PPM1K: variants seen among roughly 807,000 people sequenced by gnomAD.
The protein encoded by PPM1K is protein phosphatase, Mg2+/Mn2+ dependent 1K.
A neutral mutation model predicts 32.6 loss-of-function variants in PPM1K; 19 were observed. The ratio of observed to expected loss-of-function variants is 0.58; its 90% CI spans 0.41 to 0.86. The LOEUF is 0.86. PPM1K is among the 40% of genes least tolerant of loss of function. The probability of loss-of-function intolerance (pLI) is 0.00; values close to 1 mark genes in which losing one functional copy is unlikely to be tolerated. For missense variants in PPM1K, 362 were observed against 461.2 expected (o/e 0.78, Z 1.97); for synonymous variants, 159 against 165.3 (o/e 0.96, Z 0.29).
At position 88,258,646 on chromosome 4, in the gene PPM1K, A is replaced by G. The variant is rs1262377886; in HGVS notation, c.*3949T>C. 1 of 151,722 alleles carries G rather than the reference A, an allele frequency of 6.6e-6. No individual in the cohort carries two copies. The highest frequency in any genetic ancestry group is 2.4e-5 in the African/African-American group (1 of 41,294). The allele number at this position is 151,722 out of a possible 1,614,324, so 9.4% of individuals were successfully genotyped here. ...TGTCTCAAGAAAAAAAAAAAATTCCATCTTTTAGATTATGTGCTAATAATT... is the reference window on the plus strand; with the variant it reads ...TGTCTCAAGAAAAAAAAAAAATTCCGTCTTTTAGATTATGTGCTAATAATT... On this transcript the variant is annotated 3_prime_UTR_variant, in exon 7 of 7. Coordinates refer to ENST00000608933, the MANE Select transcript of PPM1K (RefSeq NM_152542.5).
At chr4:88,266,974 G>T (rs1560485606) in intron 5 of PPM1K, among the ~76,000 whole-genome samples, 1 of 150,394 alleles carries the variant, frequency 6.6e-6, no homozygotes, top group Non-Finnish European at 1.5e-5. Flanking sequence ...AGGTGATGCT[G>T]ATTGGATGCA....
At chr4:88,265,815 T>C (rs1188936869) in intron 5 of PPM1K, among the ~76,000 whole-genome samples, 1 of 152,236 alleles carries the variant, frequency 6.6e-6, no homozygotes, top group Admixed American at 6.5e-5. Context: ...CTTCAAGATA[T>C]CTTGATTTAA....
Position 88,262,553 on chromosome 4 carries a change from G to A in PPM1K, c.*42C>T, listed in dbSNP as rs540842286. On this transcript the variant is annotated 3_prime_UTR_variant, in exon 7 of 7. Coordinates refer to ENST00000608933, the MANE Select transcript of PPM1K (RefSeq NM_152542.5). ...TCTTATCAGTTTCTTGACATGCTCA[G>A]TGAAAAACTGTTGCACAGAAACTCT... 5 of 1,606,128 alleles carry A rather than the reference G, an allele frequency of 3.1e-6. No individual in the cohort carries two copies. The highest frequency in any genetic ancestry group is 1.7e-5 in the Admixed American group (1 of 59,034).
At chr4:88,276,454 G>A (rs1048018186) in intron 3 of PPM1K, 10 of 985,148 alleles carry the variant, frequency 1.0e-5, no homozygotes, top group Admixed American at 6.2e-5. Flanking sequence ...CTGAATTTTC[G>A]TGAAATGGTT....
At chr4:88,271,928 T>A (rs920124318) in intron 3 of PPM1K, among the ~76,000 whole-genome samples, 2 of 152,206 alleles carry the variant, frequency 1.3e-5, no homozygotes, top group Non-Finnish European at 2.9e-5. Flanking sequence ...GCGAGACGCA[T>A]GTTTATAATT....
At position 88,268,450 on chromosome 4, in the gene PPM1K, G is replaced by A. The variant is rs149713212; in HGVS notation, c.708-116C>T. 855 of 1,237,956 alleles carry A rather than the reference G, an allele frequency of 6.9e-4. 4 individuals carry two copies. The African/African-American group carries it at 0.01, about 15-fold the overall frequency. 76.7% of individuals were successfully genotyped at this position (1,237,956 alleles called of 1,614,324 possible). On this transcript the variant is annotated intron_variant, in intron 4 of 6. Transcript: ENST00000608933. The stretch of plus-strand genomic sequence containing the variant: ...ATCCTGGCTAACACGGTGAAACCCC[G>A]TCTCTACTAAAAAACAAAAAATTAG...
intron 1 of PPM1K, chr4:88,283,886 T>C (rs1732121952): frequency 6.6e-6 from 1 of 152,280 alleles, no homozygotes; most frequent in African/African-American, 2.4e-5. Context: ...GCCTCGCAAA[T>C]AGCTGGGCTC....
In PPM1K at chr4:88,264,154, G is replaced by A. The variant is rs142851741; in HGVS notation, c.987+847C>T. Among the ~76,000 whole-genome samples the A allele has an allele frequency of 4.6e-3, 708 of 152,284 alleles. 5 individuals are homozygous for A. Among genetic ancestry groups the A allele is most frequent in the African/African-American group, 0.017 (689 of 41,552 alleles). ...AATACCCTGTTTAGCACGGGTGAAG[G>A]CAGTAACCAAATGAATAATTCATAT... On this transcript the variant is annotated intron_variant, in intron 6 of 6. Transcript: ENST00000608933.
At chr4:88,272,573 G>A (rs191468908) in intron 3 of PPM1K, among the ~76,000 whole-genome samples, 2 of 152,144 alleles carry the variant, frequency 1.3e-5, no homozygotes, top group African/African-American at 2.4e-5. Context: ...TATAAACAAC[G>A]GACTGGTGGG....
chr4:88,260,801 T>C lies in PPM1K; in HGVS notation c.*1794A>G, dbSNP rs549873336. ...AACTCAAAACACAGTTGAAGGTATA[T>C]ACTACATCAACTTTTTCTTTTGTTT... On this transcript the variant is annotated 3_prime_UTR_variant, in exon 7 of 7. Coordinates refer to ENST00000608933, the MANE Select transcript of PPM1K (RefSeq NM_152542.5). 4.6e-5 allele frequency: 7 copies of C among 152,144 alleles called. No homozygotes were observed. Among genetic ancestry groups the C allele is most frequent in the African/African-American group, 1.4e-4 (6 of 41,512 alleles). The allele number at this position is 152,144 out of a possible 1,614,324, so 9.4% of individuals were successfully genotyped here.
chr4:88,282,692 T>G (rs1398281314), intron 1 of PPM1K, among the ~76,000 whole-genome samples: 2 of 152,200 alleles, frequency 1.3e-5, no homozygotes, highest in African/African-American at 2.4e-5. Context: ...AGGACTCCCC[T>G]TAGGTTTAAT....
In PPM1K at chr4:88,258,617, ACT is replaced by A. The variant is rs1730997938; in HGVS notation, c.*3976_*3977del. 6.7e-6 allele frequency: 1 copy of A among 149,758 alleles called. No individual in the cohort carries two copies. The highest frequency in any genetic ancestry group is 1.5e-5 in the Non-Finnish European group (1 of 67,434). The allele number at this position is 149,758 out of a possible 1,614,324, so 9.3% of individuals were successfully genotyped here. A position where few individuals can be genotyped will look rare whatever the true frequency, so the allele number is the denominator to read the frequency against. ...CACTCCAGCCTGGCGACAGAGCGAG[ACT>A]CTGTCTCAAGAAAAAAAAAAAATTC... On this transcript the variant is annotated 3_prime_UTR_variant, in exon 7 of 7. Transcript: ENST00000608933.
intron 3 of PPM1K, among the ~76,000 whole-genome samples, chr4:88,273,060 T>C (rs1174404589): frequency 6.6e-6 from 1 of 152,216 alleles, no homozygotes; most frequent in African/African-American, 2.4e-5. Context: ...AGCAATGCCA[T>C]TCAACAGTAA....
At chr4:88,275,663 C>T in intron 3 of PPM1K, 1 of 985,250 alleles carries the variant, frequency 1.0e-6, no homozygotes, top group Non-Finnish European at 1.2e-6. Flanking sequence ...CTGGGGCACA[C>T]CACCGACACT....
At chr4:88,268,124 T>C in intron 5 of PPM1K, 66 bp downstream of exon 5, 2 of 1,535,222 alleles carry the variant, frequency 1.3e-6, no homozygotes, top group Non-Finnish European at 8.9e-7. Context: ...CCAAGAAAGG[T>C]GCAGCAGAGA....
At chr4:88,270,017 C>T (rs2110161109) in intron 3 of PPM1K, among the ~76,000 whole-genome samples, 1 of 152,304 alleles carries the variant, frequency 6.6e-6, no homozygotes, top group Non-Finnish European at 1.5e-5. Context: ...TTATTTAAAG[C>T]AGGTATTGTC....
intron 3 of PPM1K, among the ~76,000 whole-genome samples, chr4:88,273,353 G>T (rs763493507): frequency 6.6e-6 from 1 of 152,204 alleles, no homozygotes; most frequent in African/African-American, 2.4e-5. Flanking sequence ...CTGGAAGCTT[G>T]CACAGGTGAA....
chr4:88,279,779 A>G (rs1578323803), intron 1 of PPM1K: 1 of 152,238 alleles, frequency 6.6e-6, no homozygotes, highest in East Asian at 1.9e-4. Flanking sequence ...TTTTAAAATC[A>G]ACTTGAAAAG....
At chr4:88,275,880 T>C in intron 3 of PPM1K, 1 of 985,434 alleles carries the variant, frequency 1.0e-6, no homozygotes, top group Non-Finnish European at 1.2e-6. Flanking sequence ...GCTTCTGTCT[T>C]CTTAAAGGTA....
Sources: allele counts gnomAD v4.1 joint callset (sites outside exome capture counted in the v4.1 genomes callset), GRCh38; gene constraint gnomAD v4.1.1; transcripts MANE v1.5; gene names NCBI Gene and HGNC (gene_info 2026-07-23, HGNC 2026-07-21).